The following GRIN2A variants were observed in gnomAD, a reference collection of about 807,000 sequenced individuals.
The protein encoded by GRIN2A is glutamate receptor ionotropic, NMDA 2A.
In GRIN2A, 22 loss-of-function variants were observed where a neutral mutation model predicts 113.4. That is an observed-to-expected ratio of 0.19 (90% CI 0.14 to 0.28). The LOEUF (loss-of-function observed/expected upper bound fraction) is 0.28, where lower values mean the gene tolerates loss of function less well. Among genes scored for constraint, GRIN2A ranks in the 10% least tolerant of loss-of-function variants. GRIN2A has a pLI of 1.00. For missense variants in GRIN2A, 1,502 were observed against 1,887.0 expected, an observed-to-expected ratio of 0.80 and a Z score of 3.78; for synonymous variants, 827 against 738.4, an observed-to-expected ratio of 1.12 and a Z score of -1.94.
intron 11 of GRIN2A, among the ~76,000 whole-genome samples, chr16:9,791,408 A>C (rs149281172): frequency 6.6e-6 from 1 of 152,292 alleles, no homozygotes; most frequent in African/African-American, 2.4e-5. Context: ...GAAAGGGAAA[A>C]ATATTCAGGG....
At chr16:10,065,913 A>C (rs1478509419) in intron 2 of GRIN2A, among the ~76,000 whole-genome samples, 1 of 152,174 alleles carries the variant, frequency 6.6e-6, no homozygotes, top group African/African-American at 2.4e-5. Context: ...TACTGGGTGG[A>C]AACATGGGTC....
intron 8 of GRIN2A, 132 bp downstream of exon 8, chr16:9,833,973 T>A: frequency 1.1e-6 from 1 of 885,792 alleles, no homozygotes; most frequent in Non-Finnish European, 1.9e-6. Flanking sequence ...CACCTCGGTC[T>A]CCCAAAGTGC....
At chr16:10,117,116 C>T (rs1453602715) in intron 2 of GRIN2A, among the ~76,000 whole-genome samples, 1 of 152,058 alleles carries the variant, frequency 6.6e-6, no homozygotes, top group African/African-American at 2.4e-5. Flanking sequence ...ATTCAGGACC[C>T]AAAATCTGTC....
At chr16:9,877,813 C>T in intron 4 of GRIN2A, among the ~76,000 whole-genome samples, 1 of 103,018 alleles carries the variant, frequency 9.7e-6, no homozygotes, top group South Asian at 4.5e-4. Flanking sequence ...CTTTCCCTCT[C>T]CCCCCATCCC....
chr16:9,938,088 C>A lies in GRIN2A; in HGVS notation c.878G>T (p.Arg293Met). 6.2e-7 allele frequency: 1 copy of A among 1,614,032 alleles called. No homozygotes were observed. Among genetic ancestry groups the A allele is most frequent in the Non-Finnish European group, 8.5e-7 (1 of 1,179,934 alleles). The stretch of plus-strand genomic sequence containing the variant: ...GGTGGTTAGGATGCCAATGCCGTCC[C>A]TCACTCTCGCCTCCAGGCTGTAGTC... ...DWDYSLEARV[R>M]DGIGILTTAA... Residue 293 changes from arginine (R) to methionine (M), a missense_variant, in exon 3 of 13, where the codon AGG becomes ATG. Arg to Met is a moderately conservative substitution (Grantham distance 91, BLOSUM62 -1). Around this residue, in one of 7 missense-constraint regions of GRIN2A, gnomAD observed 334 missense variants for 403.0 expected, o/e 0.83. Coordinates refer to ENST00000330684, the MANE Select transcript of GRIN2A (RefSeq NM_001134407.3).
intron 11 of GRIN2A, among the ~76,000 whole-genome samples, chr16:9,795,316 T>G (rs973770891): frequency 6.6e-6 from 1 of 152,054 alleles, no homozygotes. Context: ...TCCCCACTGC[T>G]ACACTCCCAC....
chr16:10,155,571 C>A (rs1039440482), intron 2 of GRIN2A, among the ~76,000 whole-genome samples: 2 of 152,144 alleles, frequency 1.3e-5, no homozygotes, highest in African/African-American at 4.8e-5. Flanking sequence ...TTTGGTATAA[C>A]GATTTAATGT....
At chr16:9,767,221 A>G (rs1485997644) in intron 12 of GRIN2A, among the ~76,000 whole-genome samples, 3 of 152,222 alleles carry the variant, frequency 2.0e-5, no homozygotes, top group Non-Finnish European at 4.4e-5. Flanking sequence ...ATGTATTTGC[A>G]CAGAACCCGA....
At chr16:9,898,975 T>G (rs1392084287) in intron 3 of GRIN2A, among the ~76,000 whole-genome samples, 1 of 152,104 alleles carries the variant, frequency 6.6e-6, no homozygotes, top group African/African-American at 2.4e-5. Context: ...AATTCCCAAC[T>G]CATCCACCTC....
chr16:9,909,076 A>G lies in GRIN2A; in HGVS notation c.1008-17976T>C, dbSNP rs186446076. ...AGAAAAAGAGGTTTAATGGACTTAT[A>G]ATTCCATGTGGCTGGGGAGGCCTCA... On this transcript the variant is annotated intron_variant, in intron 3 of 12. Transcript: ENST00000330684. 2.0e-3 allele frequency among the ~76,000 whole-genome samples: 303 copies of G among 152,248 alleles called. 6 individuals are homozygous for G. Among genetic ancestry groups the G allele is most frequent in the Non-Finnish European group, 1.8e-4 (12 of 68,012 alleles).
At chr16:9,831,216 T>A (rs1254781629) in intron 8 of GRIN2A, among the ~76,000 whole-genome samples, 1 of 152,174 alleles carries the variant, frequency 6.6e-6, no homozygotes, top group Non-Finnish European at 1.5e-5. Context: ...TTTACAATAG[T>A]CTTTCCAGCA....
intron 3 of GRIN2A, among the ~76,000 whole-genome samples, chr16:9,900,923 A>G (rs971551055): frequency 6.6e-6 from 1 of 152,212 alleles, no homozygotes; most frequent in Non-Finnish European, 1.5e-5. Flanking sequence ...AGTTCACTCA[A>G]TCACCTGTGC....
intron 4 of GRIN2A, among the ~76,000 whole-genome samples, chr16:9,858,468 T>C (rs536982860): frequency 2.0e-5 from 3 of 152,272 alleles, no homozygotes; most frequent in African/African-American, 7.2e-5. Context: ...AATCTTTACC[T>C]TTAAAATAAA....
intron 2 of GRIN2A, among the ~76,000 whole-genome samples, chr16:10,040,383 T>C (rs2047139566): frequency 6.9e-6 from 1 of 145,038 alleles, no homozygotes; most frequent in South Asian, 2.2e-4. Context: ...AACACATACA[T>C]CCACACCACA....
In GRIN2A at chr16:9,990,542, T is replaced by C. The variant is rs549577175; in HGVS notation, c.415-51991A>G. On this transcript the variant is annotated intron_variant, in intron 2 of 12. Coordinates refer to ENST00000330684, the MANE Select transcript of GRIN2A (RefSeq NM_001134407.3). ...CACGCACCCCCTGAATCTCTCTCTC[T>C]ACACGCGCGCGCGCGCGCGCGCACA... is the stretch of plus-strand genomic sequence containing the variant. 4.1e-4 allele frequency among the ~76,000 whole-genome samples: 57 copies of C among 138,002 alleles called. No individual in the cohort carries two copies. The East Asian group carries it at 0.012, about 29-fold the overall frequency. The allele number at this position is 138,002 out of a possible 152,430, so 90.5% of individuals were successfully genotyped here.
intron 12 of GRIN2A, among the ~76,000 whole-genome samples, chr16:9,766,441 G>A (rs1900928005): frequency 6.6e-6 from 1 of 152,170 alleles, no homozygotes; most frequent in Non-Finnish European, 1.5e-5. Context: ...GCAAGTTTGA[G>A]CTGCTCTTTC....
intron 4 of GRIN2A, among the ~76,000 whole-genome samples, chr16:9,883,191 A>G (rs989821823): frequency 6.6e-6 from 1 of 152,194 alleles, no homozygotes; most frequent in African/African-American, 2.4e-5. Context: ...TGACTAAATG[A>G]GATAATGAAT....
At chr16:9,897,410 C>A (rs1490139385) in intron 3 of GRIN2A, among the ~76,000 whole-genome samples, 1 of 151,904 alleles carries the variant, frequency 6.6e-6, no homozygotes, top group African/African-American at 2.4e-5. Flanking sequence ...CCTATATTTC[C>A]TATATTATGA....
chr16:10,014,740 A>C (rs899015410), intron 2 of GRIN2A, among the ~76,000 whole-genome samples: 3 of 152,250 alleles, frequency 2.0e-5, no homozygotes. Context: ...AACCGTTTTA[A>C]GTCATTTAAA....
Sources: allele counts gnomAD v4.1 joint callset (sites outside exome capture counted in the v4.1 genomes callset), GRCh38; gene constraint gnomAD v4.1.1; regional missense constraint gnomAD v4.1.1; transcripts MANE v1.5; gene names NCBI Gene and HGNC (gene_info 2026-07-23, HGNC 2026-07-21).